The following PDE5A variants were observed in gnomAD, a reference collection of about 807,000 sequenced individuals.
PDE5A encodes the protein phosphodiesterase 5A, also known as cGMP-specific 3',5'-cyclic phosphodiesterase.
Under a neutral mutation model 110.2 loss-of-function variants are expected in PDE5A, and 67 were observed. That is an observed-to-expected ratio of 0.61 (90% CI 0.50 to 0.75). The LOEUF is 0.75. Among genes scored for constraint, PDE5A ranks in the 30% least tolerant of loss-of-function variants. The pLI is 0.00. For missense variants in PDE5A, 862 were observed against 1,045.1 expected (o/e 0.82, Z 2.42); for synonymous variants, 328 against 351.2 (o/e 0.93, Z 0.74).
At chr4:119,543,469 G>A (rs1276900125) in intron 9 of PDE5A, among the ~76,000 whole-genome samples, 1 of 152,070 alleles carries the variant, frequency 6.6e-6, no homozygotes, top group African/African-American at 2.4e-5. Flanking sequence ...TGTGGGATAG[G>A]CATTGTGCTA....
chr4:119,609,601 G>T (rs1036458859), intron 1 of PDE5A, among the ~76,000 whole-genome samples: 9 of 151,872 alleles, frequency 5.9e-5, no homozygotes, highest in African/African-American at 2.2e-4. Flanking sequence ...AATGTAATCG[G>T]TCAAAATGAA....
chr4:119,562,860 G>A lies in PDE5A; in HGVS notation c.1104C>T (p.Thr368=). 6.3e-7 allele frequency: 1 copy of A among 1,580,686 alleles called. No individual in the cohort carries two copies. Among genetic ancestry groups the A allele is most frequent in the Non-Finnish European group, 8.6e-7 (1 of 1,167,608 alleles). ...IISFMQVQKC[T]IFIVDEDCSD... ...AGCAATCTTCATCCACTATGAAAAT[G>A]GTGCATTTCTGCACTTGCATGAAAG... is the stretch of plus-strand genomic sequence containing the variant. The change falls in exon 6 of 21, where the codon ACC becomes ACT. Residue 368 remains threonine (T), a synonymous_variant. Transcript: ENST00000354960.
rs1029156895 is a variant in PDE5A, at chr4:119,494,842, A to G, written c.*3759T>C. On this transcript the variant is annotated 3_prime_UTR_variant, in exon 21 of 21. Transcript: ENST00000354960. The stretch of plus-strand genomic sequence containing the variant: ...TGCTTTCAACAACATTCATTAAGAC[A>G]TGTTTACACAGGCTTTTAGTAAGTA... The G allele has an allele frequency of 9.2e-5, 14 of 152,558 alleles. No homozygotes were observed. The highest frequency in any genetic ancestry group is 3.1e-4 in the African/African-American group (13 of 41,436). The allele number at this position is 152,558 out of a possible 1,614,324, so 9.5% of individuals were successfully genotyped here.
intron 14 of PDE5A, among the ~76,000 whole-genome samples, chr4:119,511,428 AC>A (rs1366175525): frequency 2.0e-5 from 3 of 152,048 alleles, no homozygotes; most frequent in African/African-American, 7.2e-5. Flanking sequence ...AAAAATTAAT[AC>A]CTCCAAACAT....
intron 1 of PDE5A, among the ~76,000 whole-genome samples, chr4:119,613,049 C>T (rs1024968854): frequency 5.3e-5 from 8 of 152,156 alleles, no homozygotes; most frequent in Non-Finnish European, 1.0e-4. Context: ...AAGAAAGCCC[C>T]TTGGGCAAAG....
chr4:119,534,922 G>T (rs924902887), intron 11 of PDE5A, among the ~76,000 whole-genome samples: 1 of 152,140 alleles, frequency 6.6e-6, no homozygotes, highest in Non-Finnish European at 1.5e-5. Flanking sequence ...GGAAAATTCT[G>T]GCCTAAGAAA....
At chr4:119,623,639 T>C (rs1199995677) in intron 1 of PDE5A, among the ~76,000 whole-genome samples, 2 of 151,998 alleles carry the variant, frequency 1.3e-5, no homozygotes, top group East Asian at 3.9e-4. Context: ...CAGACCAGAG[T>C]CAAATCATTT....
chr4:119,575,150 G>C (rs1212096181), intron 3 of PDE5A, among the ~76,000 whole-genome samples: 2 of 152,198 alleles, frequency 1.3e-5, no homozygotes, highest in African/African-American at 4.8e-5. Flanking sequence ...AGAATAAAAA[G>C]AAACGAACAA....
chr4:119,521,699 A>C (rs1487260171), intron 12 of PDE5A, among the ~76,000 whole-genome samples: 2 of 152,002 alleles, frequency 1.3e-5, no homozygotes, highest in African/African-American at 4.8e-5. Flanking sequence ...AATTAAAAAA[A>C]AAATGTGCCA....
intron 11 of PDE5A, among the ~76,000 whole-genome samples, chr4:119,534,263 G>A (rs529493091): frequency 1.3e-5 from 2 of 152,232 alleles, no homozygotes; most frequent in South Asian, 4.1e-4. Context: ...ACTGGTACCC[G>A]ACCGTGGCTG....
In PDE5A at chr4:119,607,184, G is replaced by T; in HGVS notation, c.266C>A (p.Ala89Glu). 1 of 1,614,094 alleles carries T rather than the reference G, an allele frequency of 6.2e-7. No homozygotes were observed. Among genetic ancestry groups the T allele is most frequent in the Non-Finnish European group, 8.5e-7 (1 of 1,179,970 alleles). Residue 89 changes from alanine to glutamate, a missense_variant, in exon 2 of 21, where the codon GCA becomes GAA. Physicochemically the swap from Ala to Glu is moderately radical, Grantham distance 107. Transcript: ENST00000354960. Reference protein sequence around the residue: ...CSCPLQQSPRADNSAPGTPTR... With the variant: ...CSCPLQQSPREDNSAPGTPTR... The stretch of plus-strand genomic sequence containing the variant: ...TGGTGTTCCAGGGGCACTGTTATCT[G>T]CACGAGGACTCTGCTGCAAGGGACA...
At chr4:119,623,003 C>CCACT (rs1253460269) in intron 1 of PDE5A, among the ~76,000 whole-genome samples, 1 of 151,028 alleles carries the variant, frequency 6.6e-6, no homozygotes, top group African/African-American at 2.4e-5. Flanking sequence ...TAAATTCCTA[C>CCACT]CACTCAGAGA....
rs1425373847 is a variant in PDE5A at position 119,567,157 on chromosome 4, G to A, written c.832-13C>T. 2 of 1,594,964 alleles carry A rather than the reference G, an allele frequency of 1.3e-6. No homozygotes were observed. The highest frequency in any genetic ancestry group is 2.7e-5 in the African/African-American group (2 of 74,332). On this transcript the variant is annotated splice_polypyrimidine_tract_variant and intron_variant, in intron 3 of 20. Coordinates refer to ENST00000354960, the MANE Select transcript of PDE5A (RefSeq NM_001083.4). ...CTACACCAACAACCTGGTATAAGGA[G>A]AGAAAAGCGACAATTTTTTTATTGA...
rs1727703275 is a variant in PDE5A, at chr4:119,560,300, T to C, written c.1195A>G (p.Thr399Ala). Reference protein sequence around the residue: ...EELEKSSDTLTREHDANKINY... With the variant: ...EELEKSSDTLAREHDANKINY... ...GTAGAGAATACGTGCTTTTACCTTG[T>C]TAATGTATCAGATGATTTTTCTAAT... is the stretch of plus-strand genomic sequence containing the variant. The change falls in exon 7 of 21, where the codon ACA becomes GCA. Residue 399 changes from threonine (T) to alanine (A), a missense_variant. Thr to Ala is a moderately conservative substitution (Grantham distance 58). Coordinates refer to ENST00000354960, the MANE Select transcript of PDE5A (RefSeq NM_001083.4). The C allele has an allele frequency of 1.9e-6, 3 of 1,570,966 alleles. No homozygotes were observed. Among genetic ancestry groups the C allele is most frequent in the South Asian group, 2.4e-5 (2 of 83,338 alleles).
chr4:119,623,499 T>C (rs1730234980), intron 1 of PDE5A, among the ~76,000 whole-genome samples: 1 of 152,222 alleles, frequency 6.6e-6, no homozygotes, highest in African/African-American at 2.4e-5. Context: ...AGTTAATTTG[T>C]ATTTTCAAAT....
intron 2 of PDE5A, among the ~76,000 whole-genome samples, chr4:119,605,629 A>G (rs1014090175): frequency 4.0e-4 from 61 of 152,230 alleles, no homozygotes; most frequent in African/African-American, 1.3e-3. Context: ...CCTGGATAGC[A>G]AAGTGAGACT....
intron 1 of PDE5A, among the ~76,000 whole-genome samples, chr4:119,608,138 G>T (rs138216275): frequency 6.6e-6 from 1 of 152,114 alleles, no homozygotes. Flanking sequence ...AGAAAAATCA[G>T]ACTTCTGTAA....
At chr4:119,563,114 T>C (rs934519001) in intron 5 of PDE5A, 144 bp from the exon 6 acceptor site, 4 of 568,048 alleles carry the variant, frequency 7.0e-6, no homozygotes, top group Non-Finnish European at 1.2e-5. Context: ...TCTCCACTTA[T>C]TAACAAAATC....
At chr4:119,498,778 A>G (rs765488746) in intron 20 of PDE5A, 40 bp from the exon 21 acceptor site, 45 of 1,611,062 alleles carry the variant, frequency 2.8e-5, no homozygotes, top group Non-Finnish European at 3.7e-5. Flanking sequence ...GAGAGAAGCC[A>G]GGAAATAAGT....
Sources: allele counts gnomAD v4.1 joint callset (sites outside exome capture counted in the v4.1 genomes callset), GRCh38; gene constraint gnomAD v4.1.1; transcripts MANE v1.5; gene names NCBI Gene and HGNC (gene_info 2026-07-23, HGNC 2026-07-21).